The following KDM3A variants were observed in gnomAD, a reference collection of about 807,000 sequenced individuals.
KDM3A encodes lysine-specific demethylase 3A.
In KDM3A, 60 loss-of-function variants were observed where a neutral mutation model predicts 158.0. The ratio of observed to expected loss-of-function variants is 0.38; its 90% CI spans 0.31 to 0.47. The LOEUF is 0.47. Ranked by LOEUF, KDM3A falls within the 20% of genes least tolerant of loss-of-function variation. The probability of loss-of-function intolerance (pLI) is 0.99; values close to 1 mark genes in which losing one functional copy is unlikely to be tolerated. For synonymous variants in KDM3A, 608 were observed against 549.3 expected (o/e 1.11, Z -1.49); for missense variants, 1,319 against 1,574.3 (o/e 0.84, Z 2.74).
intron 14 of KDM3A, 64 bp from the exon 15 acceptor site, chr2:86,478,544 G>A (rs1485124629): frequency 1.9e-6 from 3 of 1,570,812 alleles, no homozygotes; most frequent in Middle Eastern, 1.7e-4. Flanking sequence ...CTTCTGCTCT[G>A]TAATGTTGAG....
chr2:86,481,502 T>C (rs1171277854), intron 16 of KDM3A, among the ~76,000 whole-genome samples: 1 of 151,988 alleles, frequency 6.6e-6, no homozygotes, highest in South Asian at 2.1e-4. Flanking sequence ...GTTTTGTTTT[T>C]TTTTTTTTAA....
In KDM3A at chr2:86,485,925, T is replaced by C. The variant is rs1005611829; in HGVS notation, c.3313+66T>C. Reference sequence around the variant, plus strand: ...ATTCAAAATGTTTGGAAAATTGATTTTGTGGGAGGGAGAGGTGGAAAACAC... The same window carrying C: ...ATTCAAAATGTTTGGAAAATTGATTCTGTGGGAGGGAGAGGTGGAAAACAC... On this transcript the variant is annotated intron_variant, in intron 21 of 25. Transcript: ENST00000312912. 7.7e-6 allele frequency: 12 copies of C among 1,556,596 alleles called. No homozygotes were observed. The Admixed American group carries it at 1.7e-4, about 22-fold the overall frequency.
intron 11 of KDM3A, 114 bp from the exon 12 acceptor site, chr2:86,474,662 C>CAAA (rs1673570245): frequency 1.5e-6 from 1 of 675,350 alleles, no homozygotes; most frequent in South Asian, 1.9e-5. Flanking sequence ...AGACTCCATC[C>CAAA]CAAAAAAAAA....
upstream of KDM3A, among the ~76,000 whole-genome samples, chr2:86,438,856 A>G (rs905089962): frequency 6.6e-6 from 1 of 151,984 alleles, no homozygotes; most frequent in Non-Finnish European, 1.5e-5. Flanking sequence ...TTTCATTCAT[A>G]ATGTATTTTG....
intron 20 of KDM3A, among the ~76,000 whole-genome samples, 200 bp downstream of exon 20, chr2:86,485,229 G>T (rs1450561781): frequency 6.6e-6 from 1 of 152,180 alleles, no homozygotes; most frequent in Non-Finnish European, 1.5e-5. Context: ...TGGCTTTTAG[G>T]CCTGGCTGAC....
At chr2:86,488,569 A>T (rs1283917934) in intron 21 of KDM3A, 1 of 152,294 alleles carries the variant, frequency 6.6e-6, no homozygotes, top group Non-Finnish European at 1.5e-5. Flanking sequence ...AGCCCCAGGC[A>T]AGCCAGAGAT....
chr2:86,470,743 C>G (rs549933558), intron 11 of KDM3A, among the ~76,000 whole-genome samples: 108 of 152,152 alleles, frequency 7.1e-4, no homozygotes, highest in Non-Finnish European at 1.4e-3. Flanking sequence ...AAATGTATAC[C>G]TAGTTGGTAT....
At chr2:86,490,341 C>CT (rs1254344401) in intron 23 of KDM3A, 1 of 152,984 alleles carries the variant, frequency 6.5e-6, no homozygotes, top group South Asian at 2.1e-4. Context: ...CCAAGTATGT[C>CT]TTTAACAAGC....
At chr2:86,453,229 A>G (rs539812915) in intron 4 of KDM3A, among the ~76,000 whole-genome samples, 15 of 152,282 alleles carry the variant, frequency 9.9e-5, no homozygotes, top group Admixed American at 2.0e-4. Flanking sequence ...ACGATATACA[A>G]TTAACTGGGA....
At chr2:86,438,175 T>TAA, upstream of KDM3A, among the ~76,000 whole-genome samples, 1 of 152,170 alleles carries the variant, frequency 6.6e-6, no homozygotes, top group South Asian at 2.1e-4. Context: ...AGAGTTTTTA[T>TAA]AATGAATGAA....
intron 8 of KDM3A, among the ~76,000 whole-genome samples, chr2:86,462,575 C>G (rs1285744930): frequency 6.6e-6 from 1 of 152,132 alleles, no homozygotes; most frequent in Non-Finnish European, 1.5e-5. Context: ...CATTAAGGTA[C>G]TATTTAACCA....
intron 25 of KDM3A, chr2:86,491,684 C>G (rs1674463092): frequency 3.3e-6 from 1 of 304,396 alleles, no homozygotes; most frequent in Admixed American, 4.6e-5. Flanking sequence ...GTGGTATTTT[C>G]AAAAGGATTT....
rs141436179 is a variant in KDM3A at position 86,456,724 on chromosome 2, T to C, written c.682-81T>C. ...GAAATTATTCATAAGAAGCTCCTAT[T>C]GTTATGTTAATGAACCTGATTTTCA... On this transcript the variant is annotated intron_variant, in intron 6 of 25. Coordinates refer to ENST00000312912, the MANE Select transcript of KDM3A (RefSeq NM_018433.6). 3,852 of 1,300,300 alleles carry C rather than the reference T, an allele frequency of 3.0e-3. 10 individuals carry two copies. The highest frequency in any genetic ancestry group is 3.8e-3 in the Non-Finnish European group (3,451 of 908,532). 80.5% of individuals were successfully genotyped at this position (1,300,300 alleles called of 1,614,324 possible). A position where few individuals can be genotyped will look rare whatever the true frequency, so the allele number is the denominator to read the frequency against.
intron 25 of KDM3A, 189 bp from the exon 26 acceptor site, chr2:86,491,849 TG>T: frequency 1.8e-6 from 1 of 569,382 alleles, no homozygotes; most frequent in South Asian, 2.3e-5. Flanking sequence ...CTTGAAATCA[TG>T]GGTTTAAAAT....
At chr2:86,474,675 A>AG (rs1673571192) in intron 11 of KDM3A, 101 bp from the exon 12 acceptor site, 3 of 739,740 alleles carry the variant, frequency 4.1e-6, no homozygotes, top group Admixed American at 2.8e-5. Context: ...AAAAAAAAAA[A>AG]AAAGTAATTA....
rs749825983 is a variant in KDM3A, at chr2:86,492,107, T to C, written c.3954T>C (p.Phe1318=). ...VAMLKASESS[F]GKP ...TGCTGAAAGCCAGTGAATCCAGTTT[T>C]GGCAAACCTTAATCTCCCTGCACAT... Residue 1318 remains phenylalanine (F), a synonymous_variant, in exon 26 of 26, where the codon TTT becomes TTC. Transcript: ENST00000312912. 1 of 1,612,338 alleles carries C rather than the reference T, an allele frequency of 6.2e-7. No homozygotes were observed. Among genetic ancestry groups the C allele is most frequent in the Non-Finnish European group, 8.5e-7 (1 of 1,178,638 alleles).
chr2:86,466,584 C>G lies in KDM3A; in HGVS notation c.1220C>G (p.Pro407Arg), dbSNP rs1673159920. The G allele has an allele frequency of 6.2e-7, 1 of 1,613,816 alleles. No homozygotes were observed. Among genetic ancestry groups the G allele is most frequent in the Non-Finnish European group, 8.5e-7 (1 of 1,179,898 alleles). The change falls in exon 10 of 26, where the codon CCA becomes CGA. Residue 407 changes from proline to arginine, a missense_variant. Pro to Arg is a moderately radical substitution (Grantham distance 103). Around this residue, in one of 4 missense-constraint regions of KDM3A, gnomAD observed 652 missense variants for 627.2 expected, o/e 1.04. Coordinates refer to ENST00000312912, the MANE Select transcript of KDM3A (RefSeq NM_018433.6). ...TDQENRLESV[P>R]QALTGLPKEC... is the part of the protein sequence containing the mutation. ...CAGGAAAACAGATTGGAGTCTGTTC[C>G]ACAAGCATTGACTGGCCTTCCTAAG...
At chr2:86,491,407 T>TAAG in intron 25 of KDM3A, 132 bp downstream of exon 25, 2 of 818,252 alleles carry the variant, frequency 2.4e-6, no homozygotes, top group Non-Finnish European at 4.0e-6. Context: ...GGAACTTGCT[T>TAAG]TATATCTAGT....
intron 23 of KDM3A, chr2:86,489,997 C>T (rs1178797889): frequency 5.4e-6 from 1 of 186,118 alleles, no homozygotes; most frequent in Non-Finnish European, 1.1e-5. Flanking sequence ...AATCTGAGCA[C>T]TTCAGACGTT....
Sources: allele counts gnomAD v4.1 joint callset (sites outside exome capture counted in the v4.1 genomes callset), GRCh38; gene constraint gnomAD v4.1.1; regional missense constraint gnomAD v4.1.1; transcripts MANE v1.5; gene names NCBI Gene and HGNC (gene_info 2026-07-23, HGNC 2026-07-21).